CADM2: variants seen among roughly 807,000 people sequenced by gnomAD.
The protein encoded by CADM2 is cell adhesion molecule 2, also known as immunoglobulin superfamily member 4D.
A neutral mutation model predicts 49.8 loss-of-function variants in CADM2; 12 were observed. The observed-to-expected ratio is 0.24, with a 90% confidence interval of 0.15 to 0.39. CADM2 has a LOEUF of 0.39. Among genes scored for constraint, CADM2 ranks in the 10% least tolerant of loss-of-function variants. CADM2 has a pLI of 1.00. For missense variants in CADM2, 378 were observed against 492.3 expected (o/e 0.77, Z 2.20); for synonymous variants, 214 against 175.4 (o/e 1.22, Z -1.74).
At chr3:85,946,249 A>G (rs1193991588) in intron 7 of CADM2, among the ~76,000 whole-genome samples, 4 of 151,604 alleles carry the variant, frequency 2.6e-5, no homozygotes, top group African/African-American at 4.9e-5. Flanking sequence ...TTCAAGGAGA[A>G]CTACAAACCA....
intron 2 of CADM2, among the ~76,000 whole-genome samples, chr3:85,791,621 G>A (rs914513638): frequency 6.6e-6 from 1 of 151,716 alleles, no homozygotes; most frequent in Admixed American, 6.6e-5. Flanking sequence ...ACTGAAAATA[G>A]TTGAGGGGAA....
chr3:85,823,414 C>A (rs1019888307), intron 3 of CADM2, among the ~76,000 whole-genome samples: 6 of 152,042 alleles, frequency 3.9e-5, no homozygotes, highest in African/African-American at 1.2e-4. Context: ...ATTTCCCTGC[C>A]ATGGTAGCTT....
chr3:85,938,170 C>A (rs1325896112), intron 7 of CADM2, among the ~76,000 whole-genome samples: 1 of 152,020 alleles, frequency 6.6e-6, no homozygotes, highest in Non-Finnish European at 1.5e-5. Context: ...TAGATGAAGG[C>A]ATTAATCTCT....
intron 1 of CADM2, among the ~76,000 whole-genome samples, chr3:85,382,316 T>C (rs1256211173): frequency 6.6e-6 from 1 of 152,120 alleles, no homozygotes; most frequent in Non-Finnish European, 1.5e-5. Flanking sequence ...GTGTAAAGAA[T>C]AAGCGTAGAG....
intron 1 of CADM2, among the ~76,000 whole-genome samples, chr3:85,698,411 A>T (rs923029543): frequency 1.2e-4 from 19 of 152,200 alleles, no homozygotes; most frequent in African/African-American, 4.6e-4. Context: ...TTTCATTGCT[A>T]TAAAGAAATA....
chr3:85,672,832 A>G (rs2065781242), intron 1 of CADM2, among the ~76,000 whole-genome samples: 1 of 152,232 alleles, frequency 6.6e-6, no homozygotes. Flanking sequence ...TAGAAAATGC[A>G]CAGATTTTTC....
intron 1 of CADM2, among the ~76,000 whole-genome samples, chr3:85,722,800 T>G (rs2067555365): frequency 6.6e-6 from 1 of 152,156 alleles, no homozygotes; most frequent in Non-Finnish European, 1.5e-5. Flanking sequence ...GAGAATGCCT[T>G]CATACCCTAC....
chr3:85,960,263 A>C (rs1190144126), intron 7 of CADM2, among the ~76,000 whole-genome samples: 1 of 151,940 alleles, frequency 6.6e-6, no homozygotes, highest in Non-Finnish European at 1.5e-5. Context: ...CCTCTTAGAA[A>C]GGATGCCATA....
At chr3:85,260,086 G>A (rs1012407242) in intron 1 of CADM2, among the ~76,000 whole-genome samples, 2 of 151,892 alleles carry the variant, frequency 1.3e-5, no homozygotes, top group Non-Finnish European at 2.9e-5. Flanking sequence ...AATAAATAAT[G>A]TTCTATTGCT....
chr3:85,133,897 G>A (rs1048346745), intron 1 of CADM2, among the ~76,000 whole-genome samples: 2 of 152,328 alleles, frequency 1.3e-5, no homozygotes, highest in East Asian at 1.9e-4. Flanking sequence ...GGGACTGGGC[G>A]CCGTGGAGCA....
At chr3:85,334,447 G>A (rs900997147) in intron 1 of CADM2, among the ~76,000 whole-genome samples, 2 of 151,432 alleles carry the variant, frequency 1.3e-5, no homozygotes, top group Non-Finnish European at 3.0e-5. Context: ...GGCACAATAA[G>A]AATTATTTCA....
intron 8 of CADM2, among the ~76,000 whole-genome samples, chr3:86,016,070 A>G (rs570782589): frequency 1.2e-3 from 167 of 142,752 alleles, no homozygotes; most frequent in African/African-American, 4.5e-3. Context: ...TTTATTCACT[A>G]AAGGAAAATA....
At chr3:85,255,391 A>G in intron 1 of CADM2, among the ~76,000 whole-genome samples, 1 of 152,046 alleles carries the variant, frequency 6.6e-6, no homozygotes. Flanking sequence ...AGTGGACATG[A>G]GCTGGATTTC....
At chr3:85,111,366 T>A (rs183900260) in intron 1 of CADM2, among the ~76,000 whole-genome samples, 2 of 151,972 alleles carry the variant, frequency 1.3e-5, no homozygotes, top group East Asian at 3.9e-4. Flanking sequence ...GGTTCAAATT[T>A]AAGCCTGTAT....
intron 1 of CADM2, among the ~76,000 whole-genome samples, chr3:85,639,763 G>C (rs1175562814): frequency 6.6e-6 from 1 of 152,078 alleles, no homozygotes; most frequent in Non-Finnish European, 1.5e-5. Context: ...TTTCAGGGCA[G>C]AGACAGAGAC....
intron 1 of CADM2, among the ~76,000 whole-genome samples, chr3:85,404,298 G>A (rs2035266385): frequency 6.6e-6 from 1 of 151,840 alleles, no homozygotes; most frequent in African/African-American, 2.4e-5. Context: ...TGTGCCCTTG[G>A]GACCTAATGA....
chr3:85,038,530 G>A (rs1426952020), intron 1 of CADM2, among the ~76,000 whole-genome samples: 1 of 152,082 alleles, frequency 6.6e-6, no homozygotes, highest in African/African-American at 2.4e-5. Context: ...GTGTGACCTA[G>A]GCATCTACAT....
rs555077378 is a variant in CADM2, at chr3:85,948,534, T to TTAATAA, written c.791+12679_791+12684dup. 1.9e-4 allele frequency among the ~76,000 whole-genome samples: 29 copies of TTAATAA among 151,356 alleles called. 1 individual carries two copies. Among genetic ancestry groups the TTAATAA allele is most frequent in the Non-Finnish European group, 4.1e-4 (28 of 67,624 alleles). ...CTTTAGAGATGTGCTATTATTTTAA[T>TTAATAA]TAATAATGAAACTTGAAAAATTCTT... On this transcript the variant is annotated intron_variant, in intron 7 of 9. Coordinates refer to ENST00000383699, the MANE Select transcript of CADM2 (RefSeq NM_001167675.2).
At chr3:85,846,517 A>T (rs184021384) in intron 3 of CADM2, among the ~76,000 whole-genome samples, 32 of 152,282 alleles carry the variant, frequency 2.1e-4, no homozygotes, top group African/African-American at 7.5e-4. Context: ...CATTGCCAAA[A>T]ATGCTGAGTT....
Sources: allele counts gnomAD v4.1 joint callset (sites outside exome capture counted in the v4.1 genomes callset), GRCh38; gene constraint gnomAD v4.1.1; transcripts MANE v1.5; gene names NCBI Gene and HGNC (gene_info 2026-07-23, HGNC 2026-07-21).